GPATCH8: variants seen among roughly 807,000 people sequenced by gnomAD.
GPATCH8 encodes the protein G-patch domain containing 8, also known as G patch domain-containing protein 8.
GPATCH8 carries 18 observed loss-of-function variants against 118.3 expected under a neutral mutation model. The observed-to-expected ratio is 0.15, with a 90% CI of 0.11 to 0.23. The LOEUF is 0.23. Ranked by LOEUF, GPATCH8 falls within the 10% of genes least tolerant of loss-of-function variation. The pLI is 1.00. For synonymous variants in GPATCH8, 659 were observed against 684.7 expected (o/e 0.96, Z 0.59); for missense variants, 1,631 against 1,873.8 (o/e 0.87, Z 2.39).
chr17:44,466,116 C>T (rs887206886), intron 2 of GPATCH8, among the ~76,000 whole-genome samples: 6 of 151,974 alleles, frequency 3.9e-5, no homozygotes, highest in Non-Finnish European at 8.8e-5. Context: ...CTCCTGGGCT[C>T]AAGCAATCCT....
chr17:44,484,767 T>G (rs138496662), intron 1 of GPATCH8, among the ~76,000 whole-genome samples: 1 of 152,332 alleles, frequency 6.6e-6, no homozygotes, highest in East Asian at 1.9e-4. Flanking sequence ...AATTGTCATG[T>G]TAAATTTCGC....
chr17:44,475,894 T>G (rs1265736548), intron 1 of GPATCH8, among the ~76,000 whole-genome samples: 2 of 151,980 alleles, frequency 1.3e-5, no homozygotes, highest in Non-Finnish European at 2.9e-5. Context: ...CCACACATTG[T>G]GGTGTGAGCC....
At chr17:44,453,500 G>GGGGTGTGTGTGTGTGTGT (rs1222816424) in intron 3 of GPATCH8, among the ~76,000 whole-genome samples, 2 of 142,702 alleles carry the variant, frequency 1.4e-5, no homozygotes, top group African/African-American at 5.4e-5. Flanking sequence ...GGTAGGTAGG[G>GGGGTGTGTGTGTGTGTGT]GTGTGTGTGT....
At chr17:44,474,037 T>TC (rs1450774022) in intron 2 of GPATCH8, among the ~76,000 whole-genome samples, 2 of 152,180 alleles carry the variant, frequency 1.3e-5, no homozygotes, top group Admixed American at 1.3e-4. Flanking sequence ...TGACTTTTTT[T>TC]CCCCACTCAA....
At chr17:44,428,714 G>A (rs2050180037) in intron 5 of GPATCH8, among the ~76,000 whole-genome samples, 2 of 151,564 alleles carry the variant, frequency 1.3e-5, no homozygotes, top group Non-Finnish European at 1.5e-5. Flanking sequence ...GAGGTGGGAG[G>A]ATCGCTTGAG....
At chr17:44,482,136 C>G (rs1375888607) in intron 1 of GPATCH8, among the ~76,000 whole-genome samples, 1 of 150,978 alleles carries the variant, frequency 6.6e-6, no homozygotes, top group Admixed American at 6.6e-5. Flanking sequence ...ATAAATAACC[C>G]CATGTTCTCA....
intron 3 of GPATCH8, among the ~76,000 whole-genome samples, chr17:44,458,220 C>T (rs903562218): frequency 3.4e-5 from 5 of 148,488 alleles, no homozygotes; most frequent in African/African-American, 1.2e-4. Flanking sequence ...CACTGTACTC[C>T]AGCCTGGGCA....
chr17:44,406,391 A>G (rs2049222510), intron 6 of GPATCH8, among the ~76,000 whole-genome samples: 2 of 150,810 alleles, frequency 1.3e-5, no homozygotes, highest in Admixed American at 1.3e-4. Flanking sequence ...CAAACATAAC[A>G]TGAGATAAAT....
intron 1 of GPATCH8, among the ~76,000 whole-genome samples, chr17:44,475,519 C>T (rs974538077): frequency 2.7e-4 from 40 of 148,444 alleles, no homozygotes; most frequent in African/African-American, 9.7e-4. Context: ...ACGGTGAAAC[C>T]CCATCTCTAC....
intron 3 of GPATCH8, among the ~76,000 whole-genome samples, chr17:44,452,539 C>T (rs2051156976): frequency 6.6e-6 from 1 of 152,022 alleles, no homozygotes; most frequent in South Asian, 2.1e-4. Context: ...TTTTATCAGC[C>T]TTCATAGTTA....
chr17:44,446,568 A>T (rs867470184), intron 3 of GPATCH8, among the ~76,000 whole-genome samples: 149 of 152,200 alleles, frequency 9.8e-4, no homozygotes, highest in Middle Eastern at 3.4e-3. Context: ...TCTGTCTTAA[A>T]AATAAAGGAG....
chr17:44,488,702 T>G (rs1456373343), intron 1 of GPATCH8, among the ~76,000 whole-genome samples: 1 of 152,028 alleles, frequency 6.6e-6, no homozygotes, highest in Non-Finnish European at 1.5e-5. Flanking sequence ...AGTGTATGGA[T>G]ACTGTAGTAG....
Position 44,400,783 on chromosome 17 carries a change from G to C in GPATCH8, c.1294C>G (p.Pro432Ala), listed in dbSNP as rs780639242. The C allele has an allele frequency of 6.2e-7, 1 of 1,613,922 alleles. No individual in the cohort carries two copies. The highest frequency in any genetic ancestry group is 8.5e-7 in the Non-Finnish European group (1 of 1,179,884). Residue 432 changes from proline to alanine, a missense_variant, in exon 8 of 8, where the codon CCA (proline) becomes GCA (alanine). Pro to Ala is a conservative substitution (Grantham distance 27, BLOSUM62 -1). Around this residue, in one of 8 missense-constraint regions of GPATCH8, gnomAD observed 405 missense variants for 462.7 expected, o/e 0.88. Transcript: ENST00000591680. ...GGAGAACTGCCTTTTTTACTCTCTG[G>C]GGCATTCTTTGGGTGTGTAGTATTA... The part of the protein sequence containing the change: ...GDNTTHPKNA[P>A]ESKKGSSPKP...
chr17:44,452,046 G>A (rs1211695420), intron 3 of GPATCH8, among the ~76,000 whole-genome samples: 4 of 151,966 alleles, frequency 2.6e-5, no homozygotes, highest in African/African-American at 9.7e-5. Flanking sequence ...CGATTCGGGC[G>A]GATTGCCCGA....
Position 44,397,155 on chromosome 17 carries a change from G to A in GPATCH8, c.*413C>T, listed in dbSNP as rs1229363650. On this transcript the variant is annotated 3_prime_UTR_variant, in exon 8 of 8. Transcript: ENST00000591680. ...GCGCTGAGAAGGCAAGACCAGATGG[G>A]CCCACAGCAAGTGCTCTGGTGACAA... is the stretch of plus-strand genomic sequence containing the variant. The A allele has an allele frequency of 2.2e-6, 1 of 457,986 alleles. No individual in the cohort carries two copies. The highest frequency in any genetic ancestry group is 4.4e-6 in the Non-Finnish European group (1 of 229,618). 28.4% of individuals were successfully genotyped at this position (457,986 alleles called of 1,614,324 possible).
At chr17:44,406,906 C>T (rs1479334767) in intron 6 of GPATCH8, among the ~76,000 whole-genome samples, 1 of 152,082 alleles carries the variant, frequency 6.6e-6, no homozygotes, top group Non-Finnish European at 1.5e-5. Flanking sequence ...GGTGACAGAA[C>T]CCAGACATAT....
chr17:44,418,703 G>A (rs1391380215), intron 6 of GPATCH8, among the ~76,000 whole-genome samples: 1 of 151,980 alleles, frequency 6.6e-6, no homozygotes, highest in African/African-American at 2.4e-5. Context: ...CGCCAGCCTC[G>A]GCCTCCCAAA....
chr17:44,451,923 T>C (rs114019434), intron 3 of GPATCH8, among the ~76,000 whole-genome samples: 1 of 152,110 alleles, frequency 6.6e-6, no homozygotes, highest in Non-Finnish European at 1.5e-5. Flanking sequence ...CATTACAGCA[T>C]ATTGGTTAAA....
chr17:44,401,243 T>C lies in GPATCH8; in HGVS notation c.834A>G (p.Leu278=). 3 of 1,613,872 alleles carry C rather than the reference T, an allele frequency of 1.9e-6. No individual in the cohort carries two copies. Among genetic ancestry groups the C allele is most frequent in the Non-Finnish European group, 2.5e-6 (3 of 1,179,722 alleles). ...NTTGLAQAPG[L]ASQGISFGIK... ...TGCCAAAGCTGATGCCTTGGGAGGCTAACCCAGGAGCCTGGGCCAGTCCAG... is the reference window on the plus strand; with the variant it reads ...TGCCAAAGCTGATGCCTTGGGAGGCCAACCCAGGAGCCTGGGCCAGTCCAG... Residue 278 remains leucine, a synonymous_variant, in exon 8 of 8, where the codon TTA becomes TTG. Transcript: ENST00000591680.
Sources: allele counts gnomAD v4.1 joint callset (sites outside exome capture counted in the v4.1 genomes callset), GRCh38; gene constraint gnomAD v4.1.1; regional missense constraint gnomAD v4.1.1; transcripts MANE v1.5; gene names NCBI Gene and HGNC (gene_info 2026-07-23, HGNC 2026-07-21).